SIRT2: variants seen among roughly 807,000 people sequenced by gnomAD.
SIRT2 encodes the protein sirtuin 2.
Under a neutral mutation model 57.4 loss-of-function variants are expected in SIRT2, and 40 were observed. The ratio of observed to expected loss-of-function variants is 0.70; its 90% CI spans 0.54 to 0.91. SIRT2 has a LOEUF of 0.91. Ranked by LOEUF, SIRT2 falls within the 40% of genes least tolerant of loss-of-function variation. The pLI, the probability that SIRT2 is intolerant of heterozygous loss-of-function variation, is 0.00. For synonymous variants in SIRT2, 161 were observed against 195.7 expected, an observed-to-expected ratio of 0.82 and a Z score of 1.48; for missense variants, 439 against 510.4, an observed-to-expected ratio of 0.86 and a Z score of 1.35.
intron 2 of SIRT2, among the ~76,000 whole-genome samples, chr19:38,895,826 A>G (rs560104145): frequency 5.3e-5 from 8 of 152,218 alleles, no homozygotes; most frequent in African/African-American, 1.9e-4. Flanking sequence ...TAATCCCAAC[A>G]CTTTGGGAGG....
rs1973126242 is a variant in SIRT2 at position 38,880,833 on chromosome 19, G to C, written c.812C>G (p.Ser271Cys). The change falls in exon 12 of 16, where the codon TCC becomes TGC. Residue 271 changes from serine to cysteine, a missense_variant. Ser to Cys is a moderately radical substitution (Grantham distance 112). Coordinates refer to ENST00000249396, the MANE Select transcript of SIRT2 (RefSeq NM_012237.4). This position sits in a 1 kb window ranked among gnomAD's most constrained non-coding sequence, Gnocchi z 4.1. ...GTSLQVQPFA[S>C]LISKAPLSTP... is the part of the protein sequence containing the mutation. The stretch of plus-strand genomic sequence containing the variant: ...GCCCCCAACCTACTTGCTGATGAGG[G>C]AGGCAAAGGGCTGCACCTGCAAGGA... The C allele has an allele frequency of 6.2e-7, 1 of 1,613,794 alleles. No homozygotes were observed. Among genetic ancestry groups the C allele is most frequent in the Non-Finnish European group, 8.5e-7 (1 of 1,179,960 alleles).
chr19:38,892,266 T>G (rs1973563469), intron 4 of SIRT2, among the ~76,000 whole-genome samples: 1 of 151,844 alleles, frequency 6.6e-6, no homozygotes, highest in African/African-American at 2.4e-5. Flanking sequence ...CGTGGTGGTG[T>G]GCGTCTGTAA....
chr19:38,879,041 T>G lies in SIRT2; in HGVS notation c.*114A>C. 8.7e-7 allele frequency: 1 copy of G among 1,151,420 alleles called. No individual in the cohort carries two copies. The highest frequency in any genetic ancestry group is 1.7e-5 in the South Asian group (1 of 59,044). The allele number at this position is 1,151,420 out of a possible 1,614,324, so 71.3% of individuals were successfully genotyped here. A position where few individuals can be genotyped will look rare whatever the true frequency, so the allele number is the denominator to read the frequency against. The stretch of plus-strand genomic sequence containing the variant: ...GTTTTGGGGAGGGAGCTGTAAGAGA[T>G]TGGGGGATGTTCTGAGCTCCCCAGA... On this transcript the variant is annotated 3_prime_UTR_variant, in exon 16 of 16. Transcript: ENST00000249396.
chr19:38,894,047 A>C, intron 2 of SIRT2, 180 bp from the exon 3 acceptor site: 1 of 1,339,104 alleles, frequency 7.5e-7, no homozygotes, highest in Non-Finnish European at 1.0e-6. Flanking sequence ...CCGGGGTTGG[A>C]GTCCTGGCCA....
Position 38,889,105 on chromosome 19 carries a change from G to A in SIRT2, c.483C>T (p.Leu161=), listed in dbSNP as rs1336444964. The A allele has an allele frequency of 2.5e-6, 4 of 1,612,840 alleles. No individual in the cohort carries two copies. In the Admixed American group the frequency reaches 5.0e-5, roughly 20 times the overall value. ...CGCCTACCTGCGTGTAGCAGCGCAGGAGTAGCCCCTTGTCCTTCAGCAGGC... is the reference window on the plus strand; with the variant it reads ...CGCCTACCTGCGTGTAGCAGCGCAGAAGTAGCCCCTTGTCCTTCAGCAGGC... ...FMRLLKDKGL[L]LRCYTQNIDT... Residue 161 remains leucine, a synonymous_variant, in exon 8 of 16, where the codon CTC becomes CTT. Coordinates refer to ENST00000249396, the MANE Select transcript of SIRT2 (RefSeq NM_012237.4).
At chr19:38,894,962 G>T in intron 2 of SIRT2, 1 of 454,700 alleles carries the variant, frequency 2.2e-6, no homozygotes, top group Non-Finnish European at 4.4e-6. Context: ...CTCCTACTAT[G>T]TCCCAAATGG....
chr19:38,898,312 T>TC (rs1302674702), intron 2 of SIRT2, 67 bp downstream of exon 2: 10 of 1,254,840 alleles, frequency 8.0e-6, no homozygotes, highest in African/African-American at 1.5e-5. Flanking sequence ...CTTTGCCACC[T>TC]CCCCCCAGTG....
chr19:38,881,522 G>A (rs765719095), intron 9 of SIRT2, 31 bp from the exon 10 acceptor site: 3 of 1,596,592 alleles, frequency 1.9e-6, no homozygotes, highest in Non-Finnish European at 2.6e-6. Flanking sequence ...GAAAGAGAAG[G>A]CAGTAAGAGG....
chr19:38,882,266 C>T (rs1973177944), intron 9 of SIRT2, among the ~76,000 whole-genome samples: 2 of 152,112 alleles, frequency 1.3e-5, no homozygotes, highest in African/African-American at 2.4e-5. Flanking sequence ...CCACCCACCT[C>T]GACGTCCAAA....
rs565324923 is a variant in SIRT2 at position 38,889,592 on chromosome 19, G to A, written c.432+97C>T. On this transcript the variant is annotated intron_variant, in intron 7 of 15. Transcript: ENST00000249396. Reference sequence around the variant, plus strand: ...GGGCCCAGCACCCATGTACTTAATGGCTACATAATATTTGTCTGCAGGGCC... The same window carrying A: ...GGGCCCAGCACCCATGTACTTAATGACTACATAATATTTGTCTGCAGGGCC... 1,600 of 1,383,950 alleles carry A rather than the reference G, an allele frequency of 1.2e-3. 32 individuals are homozygous for A. The South Asian group carries it at 0.018, about 16-fold the overall frequency. 85.7% of individuals were successfully genotyped at this position (1,383,950 alleles called of 1,614,324 possible).
At position 38,893,899 on chromosome 19, in the gene SIRT2, G is replaced by T. The variant is rs201572470; in HGVS notation, c.64-32C>A. 1.0e-4 allele frequency: 167 copies of T among 1,613,502 alleles called. 3 individuals carry two copies. The South Asian group carries it at 1.7e-3, about 17-fold the overall frequency. ...GGGGTGGGGTGGAGTGGCCAGGCCC[G>T]AGAGGTGGGATTAGGGAGGGAGGAG... On this transcript the variant is annotated intron_variant, in intron 2 of 15. Transcript: ENST00000249396.
intron 2 of SIRT2, among the ~76,000 whole-genome samples, chr19:38,895,949 G>A (rs1178202607): frequency 6.6e-6 from 1 of 152,192 alleles, no homozygotes. Context: ...GCACGTGTCT[G>A]TAGTCCCAGC....
chr19:38,887,244 A>G (rs983632390), intron 8 of SIRT2, among the ~76,000 whole-genome samples: 3 of 152,140 alleles, frequency 2.0e-5, no homozygotes, highest in Non-Finnish European at 4.4e-5. Context: ...TGGTGTCTCC[A>G]TCTTGTCCAT....
chr19:38,889,171 A>G lies in SIRT2; in HGVS notation c.433-16T>C. On this transcript the variant is annotated splice_polypyrimidine_tract_variant and intron_variant, in intron 7 of 15. Transcript: ENST00000249396. ...AGATGGTTGGCTGCAGGGAAGAGCGACAGCACTGCTGACGACTGCAGGGAA... is the reference window on the plus strand; with the variant it reads ...AGATGGTTGGCTGCAGGGAAGAGCGGCAGCACTGCTGACGACTGCAGGGAA... The G allele has an allele frequency of 6.2e-7, 1 of 1,611,872 alleles. No individual in the cohort carries two copies. The highest frequency in any genetic ancestry group is 8.5e-7 in the Non-Finnish European group (1 of 1,179,132).
intron 8 of SIRT2, 104 bp from the exon 9 acceptor site, chr19:38,883,860 G>T: frequency 7.9e-7 from 1 of 1,267,566 alleles, no homozygotes. Flanking sequence ...TGAGGTGGTG[G>T]GGACAGGTGG....
chr19:38,881,007 C>T, intron 11 of SIRT2, 93 bp downstream of exon 11: 2 of 1,549,580 alleles, frequency 1.3e-6, no homozygotes, highest in Non-Finnish European at 1.8e-6. Context: ...GGGGAGGTGA[C>T]CTTTCCTGAG....
chr19:38,890,950 G>A (rs895895648), intron 4 of SIRT2, among the ~76,000 whole-genome samples: 2 of 152,224 alleles, frequency 1.3e-5, no homozygotes, highest in African/African-American at 4.8e-5. Flanking sequence ...AGAGCACAAA[G>A]CCTGCCACAG....
At position 38,888,695 on chromosome 19, in the gene SIRT2, G is replaced by C. The variant is rs78202836; in HGVS notation, c.501+392C>G. On this transcript the variant is annotated intron_variant, in intron 8 of 15. Coordinates refer to ENST00000249396, the MANE Select transcript of SIRT2 (RefSeq NM_012237.4). The stretch of plus-strand genomic sequence containing the variant: ...ACACGTGTCATAGTGTATGGATTTT[G>C]TTAGATGAAGTCACTTTGGAAACTC... Among the ~76,000 whole-genome samples the C allele has an allele frequency of 4.9e-4, 75 of 152,330 alleles. 4 individuals carry two copies. The East Asian group carries it at 0.013, about 27-fold the overall frequency.
At position 38,878,909 on chromosome 19, in the gene SIRT2, G is replaced by C. The variant is rs1600101237; in HGVS notation, c.*246C>G. The stretch of plus-strand genomic sequence containing the variant: ...ATGAGGGAGGTTACTCCTTAGCCCA[G>C]GAGTGGTTAGAGACAGTGGGGCTGG... On this transcript the variant is annotated 3_prime_UTR_variant, in exon 16 of 16. Coordinates refer to ENST00000249396, the MANE Select transcript of SIRT2 (RefSeq NM_012237.4). 1.1e-5 allele frequency: 5 copies of C among 470,878 alleles called. No homozygotes were observed. The East Asian group carries it at 1.9e-4, about 17-fold the overall frequency. 29.2% of individuals were successfully genotyped at this position (470,878 alleles called of 1,614,324 possible).
Sources: allele counts gnomAD v4.1 joint callset (sites outside exome capture counted in the v4.1 genomes callset), GRCh38; gene constraint gnomAD v4.1.1; non-coding constraint Gnocchi (gnomAD v3.1); transcripts MANE v1.5; gene names NCBI Gene and HGNC (gene_info 2026-07-23, HGNC 2026-07-21).